Variants in GPR155 observed in about 807,000 individuals in gnomAD.
The protein encoded by GPR155 is lysosomal cholesterol signaling protein.
In GPR155, 65 loss-of-function variants were observed where a neutral mutation model predicts 93.1. The observed-to-expected ratio is 0.70, with a 90% CI of 0.57 to 0.86. The LOEUF (loss-of-function observed/expected upper bound fraction) is 0.86, where lower values mean the gene tolerates loss of function less well. GPR155 is among the 40% of genes least tolerant of loss of function. GPR155 has a pLI of 0.00. For missense variants in GPR155, 838 were observed against 1,034.8 expected (o/e 0.81, Z 2.61); for synonymous variants, 319 against 360.1 (o/e 0.89, Z 1.29).
intron 9 of GPR155, 66 bp from the exon 10 acceptor site, chr2:174,460,154 ATTTTTTTTTTTTTTT>A: frequency 2.5e-6 from 1 of 398,810 alleles, no homozygotes; most frequent in Non-Finnish European, 4.0e-6. Flanking sequence ...CTTAGGGCAC[ATTTTTTTTTTTTTTT>A]TTTTTTTTTG....
intron 11 of GPR155, among the ~76,000 whole-genome samples, chr2:174,449,912 G>T (rs936209778): frequency 2.0e-5 from 3 of 152,154 alleles, no homozygotes; most frequent in African/African-American, 7.2e-5. Context: ...GGAGGCGGAG[G>T]TTGCAGTGAG....
chr2:174,446,672 CCACTCTGTAGATACTGTTCTTCTT>C lies in GPR155; in HGVS notation c.1928_1951del (p.Glu643_Ser650del). On this transcript the variant is annotated inframe_deletion, in exon 12 of 16. Coordinates refer to ENST00000392552, the MANE Select transcript of GPR155 (RefSeq NM_152529.7). Reference sequence around the variant, plus strand: ...CACATGTCGGGTCAGTTGCTGGTCTCCACTCTGTAGATACTGTTCTTCTTCCTGGGCTAATATGCAGCTCTGGGA... The same window carrying C: ...CACATGTCGGGTCAGTTGCTGGTCTCCCTGGGCTAATATGCAGCTCTGGGA... 1 of 1,613,876 alleles carries C rather than the reference CCACTCTGTAGATACTGTTCTTCTT, an allele frequency of 6.2e-7. No individual in the cohort carries two copies. Among genetic ancestry groups the C allele is most frequent in the African/African-American group, 1.3e-5 (1 of 75,050 alleles).
chr2:174,455,176 C>CA (rs1687477942), intron 10 of GPR155, among the ~76,000 whole-genome samples: 1 of 146,120 alleles, frequency 6.8e-6, no homozygotes, highest in Non-Finnish European at 1.5e-5. Context: ...GACTCCATCT[C>CA]AAAAAAATAA....
chr2:174,443,871 T>C (rs902575466), intron 13 of GPR155, among the ~76,000 whole-genome samples: 2 of 152,238 alleles, frequency 1.3e-5, no homozygotes, highest in South Asian at 2.1e-4. Context: ...TCATATTACT[T>C]GTTTATGGAA....
At chr2:174,472,916 A>C in intron 3 of GPR155, 49 bp downstream of exon 3, 1 of 1,492,930 alleles carries the variant, frequency 6.7e-7, no homozygotes, top group Non-Finnish European at 9.1e-7. Flanking sequence ...AATTGGCTAA[A>C]TACGGCTTTC....
chr2:174,438,654 C>G (rs528580911), intron 15 of GPR155, among the ~76,000 whole-genome samples: 1 of 152,166 alleles, frequency 6.6e-6, no homozygotes, highest in African/African-American at 2.4e-5. Flanking sequence ...ATTACAGGCG[C>G]CCGCCAACAC....
At chr2:174,439,575 T>C (rs1284348693) in intron 15 of GPR155, among the ~76,000 whole-genome samples, 1 of 152,178 alleles carries the variant, frequency 6.6e-6, no homozygotes, top group African/African-American at 2.4e-5. Flanking sequence ...CAAAGTTTTG[T>C]GAGAGACACT....
rs997799996 is a variant in GPR155 at position 174,457,812 on chromosome 2, G to A, written c.1771+2066C>T. Among the ~76,000 whole-genome samples, 9 of 151,838 alleles carry A rather than the reference G, an allele frequency of 5.9e-5. No homozygotes were observed. The East Asian group carries it at 7.7e-4, about 13-fold the overall frequency. On this transcript the variant is annotated intron_variant, in intron 10 of 15. Transcript: ENST00000392552. ...ATTGCCCAGGCTGGATTGCTGTGGC[G>A]TGACCATGGCTCACTGCAGCTTCGA...
intron 12 of GPR155, 171 bp from the exon 13 acceptor site, chr2:174,445,347 C>T (rs1687089428): frequency 1.8e-6 from 1 of 556,582 alleles, no homozygotes; most frequent in Non-Finnish European, 3.2e-6. Context: ...AAGTTTCAAC[C>T]TCTCCTCCTG....
intron 15 of GPR155, among the ~76,000 whole-genome samples, chr2:174,438,255 C>A (rs1574690098): frequency 6.6e-6 from 1 of 151,982 alleles, no homozygotes; most frequent in African/African-American, 2.4e-5. Flanking sequence ...AACAAAAAAA[C>A]CAGCCCATGG....
chr2:174,468,232 A>G (rs1240847955), intron 5 of GPR155, among the ~76,000 whole-genome samples: 1 of 152,150 alleles, frequency 6.6e-6, no homozygotes, highest in Admixed American at 6.5e-5. Context: ...AATTAATCAC[A>G]CATTTATCTG....
intron 2 of GPR155, among the ~76,000 whole-genome samples, chr2:174,478,143 A>G (rs1040165645): frequency 1.1e-4 from 16 of 152,178 alleles, no homozygotes; most frequent in Admixed American, 7.9e-4. Context: ...TGAAATCAAC[A>G]TTTTGCCACG....
rs1686659532 is a variant in GPR155, at chr2:174,432,158, A to G, written c.*3958T>C. 6.6e-6 allele frequency: 1 copy of G among 152,642 alleles called. No individual in the cohort carries two copies. The allele number at this position is 152,642 out of a possible 1,614,324, so 9.5% of individuals were successfully genotyped here. On this transcript the variant is annotated 3_prime_UTR_variant, in exon 16 of 16. Transcript: ENST00000392552. Reference sequence around the variant, plus strand: ...ACAGAACTCAGGAAACCCATTTAAGAAAACATTGAGAATGTATAGAAAAGA... The same window carrying G: ...ACAGAACTCAGGAAACCCATTTAAGGAAACATTGAGAATGTATAGAAAAGA...
rs764887753 is a variant in GPR155, at chr2:174,461,499, T to A, written c.1470-7A>T. On this transcript the variant is annotated splice_polypyrimidine_tract_variant and splice_region_variant and intron_variant, in intron 8 of 15. Transcript: ENST00000392552. ...AACAAGGAGAGCAGGAATTCTGTAA[T>A]CACAAGTGATATTGGGAGAGAAAAA... 3 of 1,604,076 alleles carry A rather than the reference T, an allele frequency of 1.9e-6. No individual in the cohort carries two copies. The East Asian group carries it at 6.7e-5, about 36-fold the overall frequency.
In GPR155 at chr2:174,433,760, T is replaced by C. The variant is rs1280636017; in HGVS notation, c.*2356A>G. 4 of 152,210 alleles carry C rather than the reference T, an allele frequency of 2.6e-5. No homozygotes were observed. The highest frequency in any genetic ancestry group is 9.7e-5 in the African/African-American group (4 of 41,446). 9.4% of individuals were successfully genotyped at this position (152,210 alleles called of 1,614,324 possible). On this transcript the variant is annotated 3_prime_UTR_variant, in exon 16 of 16. Coordinates refer to ENST00000392552, the MANE Select transcript of GPR155 (RefSeq NM_152529.7). ...TTGCCTTACCAGACACTAGATCTGT[T>C]AGTGCCTTAATCTTGGACTTCACAG...
intron 11 of GPR155, among the ~76,000 whole-genome samples, chr2:174,452,855 T>A (rs895264231): frequency 6.6e-6 from 1 of 152,186 alleles, no homozygotes; most frequent in African/African-American, 2.4e-5. Flanking sequence ...TTTCACCATG[T>A]TGGCCAGGCT....
rs546461470 is a variant in GPR155, at chr2:174,434,470, A to C, written c.*1646T>G. 1 of 152,072 alleles carries C rather than the reference A, an allele frequency of 6.6e-6. No homozygotes were observed. Among genetic ancestry groups the C allele is most frequent in the African/African-American group, 2.4e-5 (1 of 41,398 alleles). 9.4% of individuals were successfully genotyped at this position (152,072 alleles called of 1,614,324 possible). On this transcript the variant is annotated 3_prime_UTR_variant, in exon 16 of 16. Transcript: ENST00000392552. ...TTGTAGCATGAAAGTTAAAGATCAG[A>C]TTGTACTTCTGCAGGACTGTGGAGA...
chr2:174,457,507 A>G (rs1036445525), intron 10 of GPR155, among the ~76,000 whole-genome samples: 3 of 152,170 alleles, frequency 2.0e-5, no homozygotes, highest in Non-Finnish European at 2.9e-5. Context: ...CCCAGACTGG[A>G]ATGCAGTGGC....
At chr2:174,440,461 T>C (rs1264894961) in intron 14 of GPR155, among the ~76,000 whole-genome samples, 2 of 152,034 alleles carry the variant, frequency 1.3e-5, no homozygotes, top group Admixed American at 1.3e-4. Flanking sequence ...CTCCAAAAAC[T>C]GGAGTACGAA....
Sources: gnomAD v4.1 joint callset for allele counts (sites outside exome capture counted in the v4.1 genomes callset) on GRCh38, gnomAD v4.1.1 for gene constraint, MANE v1.5 for transcripts, NCBI Gene and HGNC (gene_info 2026-07-23, HGNC 2026-07-21) for gene names.